The following SCEL variants were observed in gnomAD, a reference collection of about 807,000 sequenced individuals.
The protein encoded by SCEL is sciellin.
SCEL carries 113 observed loss-of-function variants against 117.6 expected under a neutral mutation model. That is an observed-to-expected ratio of 0.96 (90% CI 0.83 to 1.12). The LOEUF (loss-of-function observed/expected upper bound fraction) is 1.12, where lower values mean the gene tolerates loss of function less well. Among genes scored for constraint, SCEL ranks in the 50% most tolerant of loss-of-function variants. The pLI, the probability that SCEL is intolerant of heterozygous loss-of-function variation, is 0.00. For synonymous variants in SCEL, 270 were observed against 256.2 expected (o/e 1.05, Z -0.51); for missense variants, 785 against 810.8 (o/e 0.97, Z 0.39).
intron 1 of SCEL, among the ~76,000 whole-genome samples, chr13:77,538,528 G>A (rs1484126068): frequency 6.6e-6 from 1 of 152,162 alleles, no homozygotes; most frequent in African/African-American, 2.4e-5. Flanking sequence ...CTCGGGAGAA[G>A]CTCTTCCTCA....
intron 9 of SCEL, among the ~76,000 whole-genome samples, chr13:77,575,830 T>C (rs2085911227): frequency 2.0e-5 from 3 of 152,364 alleles, no homozygotes; most frequent in South Asian, 4.1e-4. Flanking sequence ...GTGTTTTGAA[T>C]TATCAAGATA....
chr13:77,604,570 A>G (rs1485876178), intron 19 of SCEL, among the ~76,000 whole-genome samples, 155 bp downstream of exon 19: 1 of 152,194 alleles, frequency 6.6e-6, no homozygotes, highest in Non-Finnish European at 1.5e-5. Flanking sequence ...AATTCTGTGC[A>G]AGTGATACAC....
chr13:77,555,246 T>C (rs924839719), intron 1 of SCEL, among the ~76,000 whole-genome samples: 3 of 152,122 alleles, frequency 2.0e-5, no homozygotes, highest in African/African-American at 7.2e-5. Flanking sequence ...TGGGTTACCT[T>C]AACCCCTTAA....
chr13:77,610,575 C>T (rs2088581507), intron 22 of SCEL, among the ~76,000 whole-genome samples: 1 of 152,128 alleles, frequency 6.6e-6, no homozygotes. Context: ...GCTCTCTGGC[C>T]ACAGGAGAGA....
chr13:77,630,753 A>G (rs1192756921), intron 28 of SCEL, among the ~76,000 whole-genome samples: 1 of 152,236 alleles, frequency 6.6e-6, no homozygotes, highest in African/African-American at 2.4e-5. Context: ...ATTCAATACA[A>G]TGTTTGGGTT....
At chr13:77,543,099 T>G (rs1252995510) in intron 1 of SCEL, among the ~76,000 whole-genome samples, 24 of 150,012 alleles carry the variant, frequency 1.6e-4, no homozygotes, top group African/African-American at 5.6e-4. Context: ...TTTTTTTTTT[T>G]TTGAGACGGA....
intron 27 of SCEL, among the ~76,000 whole-genome samples, chr13:77,622,458 G>T (rs568436035): frequency 1.3e-5 from 2 of 152,204 alleles, no homozygotes; most frequent in African/African-American, 4.8e-5. Context: ...TTTTGATGTG[G>T]TAGTAGAAAA....
At chr13:77,626,930 C>T (rs1388640803) in intron 27 of SCEL, among the ~76,000 whole-genome samples, 2 of 151,556 alleles carry the variant, frequency 1.3e-5, no homozygotes, top group Admixed American at 1.3e-4. Context: ...TTAACAAAGA[C>T]GTTTCCTAAC....
intron 3 of SCEL, among the ~76,000 whole-genome samples, chr13:77,558,133 C>T (rs2084764332): frequency 6.6e-6 from 1 of 152,252 alleles, no homozygotes; most frequent in South Asian, 2.1e-4. Context: ...TTTTGGATTG[C>T]CAATATTTAC....
chr13:77,622,274 T>C (rs1240849392), intron 27 of SCEL, among the ~76,000 whole-genome samples: 1 of 152,176 alleles, frequency 6.6e-6, no homozygotes, highest in Admixed American at 6.5e-5. Context: ...TGCTGCCTAT[T>C]AATAAATACC....
rs193243871 is a variant in SCEL, at chr13:77,588,940, A to G, written c.546-204A>G. ...TGGGTTTTCAAGAACCTGATTAAAT[A>G]AACTTTAAAAATACACATATTTTCA... On this transcript the variant is annotated intron_variant, in intron 9 of 32. Coordinates refer to ENST00000349847, the MANE Select transcript of SCEL (RefSeq NM_144777.3). Among the ~76,000 whole-genome samples the G allele has an allele frequency of 7.1e-3, 1,087 of 152,340 alleles. 49 individuals are homozygous for G. Among genetic ancestry groups the G allele is most frequent in the Admixed American group, 0.065 (1,001 of 15,286 alleles).
Position 77,591,455 on chromosome 13 carries a change from TATAAG to T in SCEL, c.688_692del (p.Ile230GlufsTer5). 1 of 1,538,142 alleles carries T rather than the reference TATAAG, an allele frequency of 6.5e-7. No individual in the cohort carries two copies. ...AAACCAACAGATCTGCTGAAAGAAA[TATAAG>T]GTACACTGATTTCTATTTATATCTA... On this transcript the variant is annotated frameshift_variant and splice_region_variant, in exon 11 of 33. Transcript: ENST00000349847. LOFTEE classifies it high-confidence loss of function.
intron 1 of SCEL, among the ~76,000 whole-genome samples, chr13:77,541,479 G>A (rs1484845964): frequency 3.3e-5 from 5 of 151,892 alleles, no homozygotes; most frequent in African/African-American, 9.7e-5. Flanking sequence ...TCACTTCTCG[G>A]ATTCATTCAA....
chr13:77,593,985 T>C (rs1437746126), intron 12 of SCEL, among the ~76,000 whole-genome samples: 1 of 137,358 alleles, frequency 7.3e-6, no homozygotes, highest in Non-Finnish European at 1.5e-5. Flanking sequence ...GACTCACCTT[T>C]CTGGAATAAT....
intron 1 of SCEL, among the ~76,000 whole-genome samples, chr13:77,555,575 A>G (rs111694848): frequency 7.9e-5 from 12 of 152,304 alleles, no homozygotes; most frequent in African/African-American, 2.4e-4. Context: ...GTAATTATTG[A>G]TTGAATAAAT....
intron 31 of SCEL, among the ~76,000 whole-genome samples, chr13:77,640,990 T>C (rs1393863181): frequency 3.2e-4 from 49 of 152,180 alleles, no homozygotes; most frequent in Non-Finnish European, 5.9e-5. Context: ...AGGCTTACAG[T>C]TGATTACTGA....
chr13:77,548,602 C>T (rs1402879212), intron 1 of SCEL, among the ~76,000 whole-genome samples: 1 of 152,232 alleles, frequency 6.6e-6, no homozygotes, highest in Non-Finnish European at 1.5e-5. Context: ...AACCAAATCT[C>T]ACCTTGAGTT....
intron 24 of SCEL, among the ~76,000 whole-genome samples, chr13:77,615,703 A>G (rs1455104039): frequency 6.6e-6 from 1 of 152,108 alleles, no homozygotes; most frequent in Non-Finnish European, 1.5e-5. Flanking sequence ...AAAAATCTAC[A>G]TATTTGTTGT....
chr13:77,615,692 A>G (rs1348569384), intron 24 of SCEL, among the ~76,000 whole-genome samples: 1 of 152,122 alleles, frequency 6.6e-6, no homozygotes, highest in Non-Finnish European at 1.5e-5. Context: ...TAGGGCCTGA[A>G]AAAAATCTAC....
Sources: allele counts gnomAD v4.1 joint callset (sites outside exome capture counted in the v4.1 genomes callset), GRCh38; gene constraint gnomAD v4.1.1; transcripts MANE v1.5; gene names NCBI Gene and HGNC (gene_info 2026-07-23, HGNC 2026-07-21).